DRICH1: variants seen among roughly 807,000 people sequenced by gnomAD.
DRICH1 encodes the protein aspartate-rich protein 1.
In DRICH1, 38 loss-of-function variants were observed where a neutral mutation model predicts 39.5. The ratio of observed to expected loss-of-function variants is 0.96; its 90% CI spans 0.74 to 1.26. DRICH1 has a LOEUF of 1.26. Ranked by LOEUF, DRICH1 falls within the 50% of genes most tolerant of loss-of-function variation. The pLI is 0.00. For missense variants in DRICH1, 279 were observed against 270.4 expected, an observed-to-expected ratio of 1.03 and a Z score of -0.22; for synonymous variants, 84 against 99.5, an observed-to-expected ratio of 0.84 and a Z score of 0.93.
Position 23,632,133 on chromosome 22 carries a change from T to C in DRICH1, c.-110A>G. 3 of 1,518,866 alleles carry C rather than the reference T, an allele frequency of 2.0e-6. No homozygotes were observed. The highest frequency in any genetic ancestry group is 2.7e-6 in the Non-Finnish European group (3 of 1,129,608). The allele number at this position is 1,518,866 out of a possible 1,614,324, so 94.1% of individuals were successfully genotyped here. A position where few individuals can be genotyped will look rare whatever the true frequency, so the allele number is the denominator to read the frequency against. On this transcript the variant is annotated 5_prime_UTR_variant, in exon 1 of 12. Coordinates refer to ENST00000317749, the MANE Select transcript of DRICH1 (RefSeq NM_016449.4). ...TGGCCCTGCACTTTTAGAAGCAGCC[T>C]GACCCCAGGCAGATCTGGGTCCTCA...
chr22:23,630,843 G>C (rs1038743834), intron 1 of DRICH1: 1 of 152,156 alleles, frequency 6.6e-6, no homozygotes, highest in Non-Finnish European at 1.5e-5. Context: ...AGCCAGGCAG[G>C]CTCTCCAGAC....
At chr22:23,611,092 G>C (rs1393617830) in intron 11 of DRICH1, among the ~76,000 whole-genome samples, 2 of 152,040 alleles carry the variant, frequency 1.3e-5, no homozygotes, top group Non-Finnish European at 2.9e-5. Flanking sequence ...TGGAGCAATG[G>C]GTAACACCAG....
rs757913983 is a variant in DRICH1, at chr22:23,631,819, T to G, written c.205A>C (p.Thr69Pro). 1.2e-6 allele frequency: 2 copies of G among 1,612,134 alleles called. No homozygotes were observed. Among genetic ancestry groups the G allele is most frequent in the East Asian group, 4.5e-5 (2 of 44,884 alleles). Residue 69 changes from threonine to proline, a missense_variant, in exon 1 of 12, where the codon ACA (threonine) becomes CCA (proline). Physicochemically the swap from Thr to Pro is conservative, Grantham distance 38. Coordinates refer to ENST00000317749, the MANE Select transcript of DRICH1 (RefSeq NM_016449.4). ...LQHISNQKMP[T>P]GPPEDRLSLK... Reference sequence around the variant, plus strand: ...ACGGCACCCGTGGCTTTTTTACCTGTGGGCATCTTTTGGTTGCTGATGTGC... The same window carrying G: ...ACGGCACCCGTGGCTTTTTTACCTGGGGGCATCTTTTGGTTGCTGATGTGC...
In DRICH1 at chr22:23,617,341, A is replaced by G. The variant is rs563556021; in HGVS notation, c.519+234T>C. Among the ~76,000 whole-genome samples the G allele has an allele frequency of 9.9e-5, 15 of 152,256 alleles. No individual in the cohort carries two copies. The East Asian group carries it at 2.9e-3, about 29-fold the overall frequency. ...AAGGAAATAATGTATACAGTGGTCC[A>G]TGTTTAATACAAAGTGCCTTGAACC... On this transcript the variant is annotated intron_variant, in intron 7 of 11. Transcript: ENST00000317749.
At chr22:23,619,123 G>C (rs1193029927) in intron 6 of DRICH1, among the ~76,000 whole-genome samples, 1 of 134,752 alleles carries the variant, frequency 7.4e-6, no homozygotes, top group African/African-American at 2.8e-5. Flanking sequence ...AGTGAGGAGA[G>C]ATCACATCAC....
downstream of DRICH1, among the ~76,000 whole-genome samples, chr22:23,606,723 G>A (rs1039804572): frequency 1.3e-5 from 2 of 152,094 alleles, no homozygotes; most frequent in Non-Finnish European, 2.9e-5. Flanking sequence ...ATCTCCCAGG[G>A]CTGGCTGCTG....
the DRICH1 span, among the ~76,000 whole-genome samples, chr22:23,600,322 C>T: frequency 1.3e-5 from 2 of 152,218 alleles, no homozygotes; most frequent in African/African-American, 2.4e-5. Flanking sequence ...CCAGCTTCAG[C>T]CAATCCTGCC....
downstream of DRICH1, among the ~76,000 whole-genome samples, chr22:23,607,850 G>T (rs1306661629): frequency 6.6e-6 from 1 of 152,206 alleles, no homozygotes; most frequent in African/African-American, 2.4e-5. Context: ...TCATCCCCAA[G>T]GGGAGCTCCT....
chr22:23,609,977 C>T (rs1002767997), intron 11 of DRICH1, among the ~76,000 whole-genome samples: 1 of 152,136 alleles, frequency 6.6e-6, no homozygotes, highest in African/African-American at 2.4e-5. Context: ...CTCCCTGCCC[C>T]TCATGCCTTC....
chr22:23,624,444 C>G (rs1441672893), intron 3 of DRICH1: 2 of 694,192 alleles, frequency 2.9e-6, no homozygotes, highest in Non-Finnish European at 3.5e-6. Flanking sequence ...CTTCTATTTA[C>G]TTTTTCTTTT....
chr22:23,584,888 C>T, the DRICH1 span, among the ~76,000 whole-genome samples: 1 of 152,092 alleles, frequency 6.6e-6, no homozygotes, highest in African/African-American at 2.4e-5. Context: ...CCTCAACCTC[C>T]AGGGCTCAAG....
chr22:23,612,466 C>CAAAAAAAA (rs1211963554), intron 11 of DRICH1, among the ~76,000 whole-genome samples: 2 of 24,858 alleles, frequency 8.0e-5, no homozygotes, highest in African/African-American at 1.2e-4. Flanking sequence ...GACTCCATCT[C>CAAAAAAAA]AAAAAAAAAA....
In DRICH1 at chr22:23,608,863, C is replaced by G; in HGVS notation, c.686-95G>C. On this transcript the variant is annotated intron_variant, in intron 11 of 11. Coordinates refer to ENST00000317749, the MANE Select transcript of DRICH1 (RefSeq NM_016449.4). ...CTAAGCAGCCTCCACGCCAGCATCCCTGGGCTCCCGCCTCTGCAGTCCAGG... is the reference window on the plus strand; with the variant it reads ...CTAAGCAGCCTCCACGCCAGCATCCGTGGGCTCCCGCCTCTGCAGTCCAGG... 2.9e-6 allele frequency: 4 copies of G among 1,361,250 alleles called. No individual in the cohort carries two copies. The South Asian group carries it at 3.7e-5, about 13-fold the overall frequency. The allele number at this position is 1,361,250 out of a possible 1,614,324, so 84.3% of individuals were successfully genotyped here. A position where few individuals can be genotyped will look rare whatever the true frequency, so the allele number is the denominator to read the frequency against.
the DRICH1 span, chr22:23,581,033 C>T: frequency 6.6e-6 from 1 of 152,306 alleles, no homozygotes; most frequent in East Asian, 1.9e-4. Flanking sequence ...GATGCTTTGC[C>T]ACACTGCAAA....
chr22:23,608,669 G>GAGGAT lies in DRICH1; in HGVS notation c.*90_*94dup, dbSNP rs1555908487. ...CCAAGAGTTTTCCTCAGAATGTAGAGAGGATTGAGACCTCCAGGGGCAAAG... is the reference window on the plus strand; with the variant it reads ...CCAAGAGTTTTCCTCAGAATGTAGAGAGGATAGGATTGAGACCTCCAGGGGCAAAG... On this transcript the variant is annotated 3_prime_UTR_variant, in exon 12 of 12. Coordinates refer to ENST00000317749, the MANE Select transcript of DRICH1 (RefSeq NM_016449.4). The GAGGAT allele has an allele frequency of 4.9e-6, 6 of 1,221,796 alleles. No homozygotes were observed. The highest frequency in any genetic ancestry group is 4.7e-6 in the Non-Finnish European group (4 of 848,778). The allele number at this position is 1,221,796 out of a possible 1,614,324, so 75.7% of individuals were successfully genotyped here. A position where few individuals can be genotyped will look rare whatever the true frequency, so the allele number is the denominator to read the frequency against.
the DRICH1 span, among the ~76,000 whole-genome samples, chr22:23,600,092 C>A: frequency 2.6e-5 from 4 of 152,266 alleles, no homozygotes; most frequent in East Asian, 7.7e-4. Context: ...GGATAAGTAA[C>A]TGTCCAGTCT....
chr22:23,621,597 G>A (rs1411392371), intron 4 of DRICH1, among the ~76,000 whole-genome samples: 1 of 149,682 alleles, frequency 6.7e-6, no homozygotes, highest in Non-Finnish European at 1.5e-5. Flanking sequence ...GATCTTGCAA[G>A]ATCTTGCAAG....
chr22:23,608,881 A>T (rs993092314), intron 11 of DRICH1, 113 bp from the exon 12 acceptor site: 1 of 1,155,648 alleles, frequency 8.7e-7, no homozygotes, highest in Non-Finnish European at 1.3e-6. Context: ...CCGCCTCTGC[A>T]GTCCAGGCTG....
the DRICH1 span, among the ~76,000 whole-genome samples, chr22:23,596,482 TGG>T: frequency 6.6e-6 from 1 of 152,188 alleles, no homozygotes; most frequent in South Asian, 2.1e-4. Flanking sequence ...TTTAAACTCC[TGG>T]CCTCATGCCA....
Sources: allele counts gnomAD v4.1 joint callset (sites outside exome capture counted in the v4.1 genomes callset), GRCh38; gene constraint gnomAD v4.1.1; transcripts MANE v1.5; gene names NCBI Gene and HGNC (gene_info 2026-07-23, HGNC 2026-07-21).